The following PCLO variants were observed in gnomAD, a reference collection of about 807,000 sequenced individuals.
The protein encoded by PCLO is protein piccolo.
In PCLO, 82 loss-of-function variants were observed where a neutral mutation model predicts 427.5. That is an observed-to-expected ratio of 0.19 (90% CI 0.16 to 0.23). PCLO has a LOEUF of 0.23. PCLO is among the 10% of genes least tolerant of loss of function. The pLI, the probability that PCLO is intolerant of heterozygous loss-of-function variation, is 1.00. For missense variants in PCLO, 6,239 were observed against 6,115.9 expected (o/e 1.02, Z -0.67); for synonymous variants, 2,357 against 2,155.4 (o/e 1.09, Z -2.59).
At chr7:82,779,807 T>A (rs1790834540) in intron 22 of PCLO, among the ~76,000 whole-genome samples, 1 of 150,372 alleles carries the variant, frequency 6.7e-6, no homozygotes, top group Non-Finnish European at 1.5e-5. Context: ...ATGGCTGTAA[T>A]TTTTATTATT....
rs776939337 is a variant in PCLO, at chr7:82,915,553, G to T, written c.12433C>A (p.Leu4145Ile). ...GTESLDHLAG[L>I]SHYYHADTSY... ...GTATCAGCATGGTAATAATGAGAAA[G>T]ACCAGCAAGGTGATCTAAGCTCTCT... is the stretch of plus-strand genomic sequence containing the variant. The change falls in exon 7 of 25, where the codon CTT becomes ATT. Residue 4145 changes from leucine (L) to isoleucine (I), a missense_variant. By Grantham distance (5) the Leu-to-Ile change is conservative (BLOSUM62 2). Transcript: ENST00000333891. 6.2e-7 allele frequency: 1 copy of T among 1,613,666 alleles called. No individual in the cohort carries two copies. Among genetic ancestry groups the T allele is most frequent in the East Asian group, 2.2e-5 (1 of 44,838 alleles).
chr7:82,993,950 G>A (rs1216230581), intron 3 of PCLO, among the ~76,000 whole-genome samples: 2 of 151,746 alleles, frequency 1.3e-5, no homozygotes, highest in Non-Finnish European at 2.9e-5. Context: ...ACTAGGCCTT[G>A]TCATAATAAG....
intron 3 of PCLO, among the ~76,000 whole-genome samples, chr7:83,034,153 T>C (rs965161129): frequency 1.3e-5 from 2 of 152,134 alleles, no homozygotes; most frequent in Non-Finnish European, 2.9e-5. Flanking sequence ...AGAAAACACA[T>C]AGAAAAATAA....
chr7:83,162,559 G>T lies in PCLO; in HGVS notation c.34C>A (p.Leu12Ile). The change falls in exon 1 of 25, where the codon CTC becomes ATC. Residue 12 changes from leucine to isoleucine, a missense_variant. Transcript: ENST00000333891. ...GNEASLEGEG[L>I]PEGLAAAAAA... ...GCGGCCGCCGCCAGCCCTTCGGGGA[G>T]CCCTTCCCCTTCCAAGCTCGCCTCG... The T allele has an allele frequency of 6.4e-7, 1 of 1,551,138 alleles. No homozygotes were observed.
At chr7:82,770,929 A>G (rs1790633504) in intron 22 of PCLO, among the ~76,000 whole-genome samples, 1 of 151,992 alleles carries the variant, frequency 6.6e-6, no homozygotes, top group African/African-American at 2.4e-5. Flanking sequence ...TTTAAATTTA[A>G]TTCCCAGAAA....
intron 3 of PCLO, among the ~76,000 whole-genome samples, chr7:82,993,629 A>C (rs1217239349): frequency 1.3e-5 from 2 of 152,020 alleles, no homozygotes; most frequent in African/African-American, 4.8e-5. Context: ...TAGTCATCAA[A>C]ATGTGATTGC....
chr7:83,107,701 T>C (rs1790893296), intron 3 of PCLO, among the ~76,000 whole-genome samples: 1 of 37,488 alleles, frequency 2.7e-5, no homozygotes, highest in Admixed American at 2.8e-4. Context: ...AGAGAGAATA[T>C]AAGAAGAGAA....
At chr7:83,085,602 G>T (rs12707545) in intron 3 of PCLO, among the ~76,000 whole-genome samples, 74,267 of 151,888 alleles carry the variant, frequency 0.49, 18,294 homozygotes, top group African/African-American at 0.51. Flanking sequence ...GTGGATGAAA[G>T]ACTTGTTGGA....
At chr7:83,095,133 C>T (rs1463643390) in intron 3 of PCLO, among the ~76,000 whole-genome samples, 3 of 152,076 alleles carry the variant, frequency 2.0e-5, no homozygotes, top group African/African-American at 7.2e-5. Context: ...AAATTCAATT[C>T]TGTAATAGTT....
intron 22 of PCLO, among the ~76,000 whole-genome samples, chr7:82,772,085 T>C (rs1192929221): frequency 1.3e-5 from 2 of 152,166 alleles, no homozygotes; most frequent in Non-Finnish European, 2.9e-5. Flanking sequence ...TTATTTATCT[T>C]TGTCTTTGTA....
Position 82,805,759 on chromosome 7 carries a change from A to G in PCLO, c.14862T>C (p.Ser4954=), listed in dbSNP as rs750074207. The G allele has an allele frequency of 1.2e-6, 2 of 1,611,932 alleles. No homozygotes were observed. Among genetic ancestry groups the G allele is most frequent in the Non-Finnish European group, 1.7e-6 (2 of 1,179,068 alleles). ...STGSSGSSFG[S]GYSVDSEGSS... ...TTCCTTCACTGTCCACGCTATACCCACTGCCAAAGCTGCTGCCCGAGGAGC... is the reference window on the plus strand; with the variant it reads ...TTCCTTCACTGTCCACGCTATACCCGCTGCCAAAGCTGCTGCCCGAGGAGC... Residue 4954 remains serine, a synonymous_variant, in exon 21 of 25, where the codon AGT becomes AGC. Transcript: ENST00000333891.
At chr7:83,100,123 T>TA (rs1790700201) in intron 3 of PCLO, among the ~76,000 whole-genome samples, 2 of 152,126 alleles carry the variant, frequency 1.3e-5, no homozygotes, top group African/African-American at 4.8e-5. Flanking sequence ...GTTGCTCAAT[T>TA]AAAAAATAAT....
intron 7 of PCLO, chr7:82,914,439 A>T (rs575954516): frequency 1.0e-4 from 60 of 590,378 alleles, no homozygotes; most frequent in Non-Finnish European, 1.7e-4. Flanking sequence ...AGCAGACACC[A>T]AACAAATCAA....
At chr7:83,153,111 A>G (rs1792178315) in intron 2 of PCLO, among the ~76,000 whole-genome samples, 2 of 151,688 alleles carry the variant, frequency 1.3e-5, no homozygotes, top group South Asian at 4.1e-4. Context: ...TCCTATAAGG[A>G]GAGTATAATA....
chr7:82,838,742 T>C (rs568986299), intron 14 of PCLO, among the ~76,000 whole-genome samples: 1 of 151,990 alleles, frequency 6.6e-6, no homozygotes, highest in Non-Finnish European at 1.5e-5. Flanking sequence ...TATAAAGTAT[T>C]ATTTGCATTT....
At chr7:83,030,216 A>G (rs987172658) in intron 3 of PCLO, among the ~76,000 whole-genome samples, 7 of 137,934 alleles carry the variant, frequency 5.1e-5, no homozygotes, top group African/African-American at 8.1e-5. Context: ...ATAAAATTTG[A>G]TAAGTCCAAC....
At chr7:83,049,234 T>C (rs1033089382) in intron 3 of PCLO, among the ~76,000 whole-genome samples, 1 of 152,104 alleles carries the variant, frequency 6.6e-6, no homozygotes, top group Non-Finnish European at 1.5e-5. Context: ...AGAGCGGCAA[T>C]ATATGAAAAA....
In PCLO at chr7:82,916,818, G is replaced by A. The variant is rs745969372; in HGVS notation, c.11168C>T (p.Thr3723Ile). Reference sequence around the variant, plus strand: ...CTCCTCAGGAGGTGGATTTGGCAGAGTTCTTTTAACTTTTTTCTGGGCTCC... The same window carrying A: ...CTCCTCAGGAGGTGGATTTGGCAGAATTCTTTTAACTTTTTTCTGGGCTCC... ...SSGAQKKVKR[T>I]LPNPPPEEIS... The change falls in exon 7 of 25, where the codon ACT (threonine) becomes ATT (isoleucine). Residue 3723 changes from threonine to isoleucine, a missense_variant. Physicochemically the swap from Thr to Ile is moderately conservative, Grantham distance 89. Transcript: ENST00000333891. 4 of 1,613,480 alleles carry A rather than the reference G, an allele frequency of 2.5e-6. No homozygotes were observed. Among genetic ancestry groups the A allele is most frequent in the Admixed American group, 3.3e-5 (2 of 59,986 alleles).
chr7:82,995,696 G>A (rs1265543334), intron 3 of PCLO, among the ~76,000 whole-genome samples: 3 of 151,754 alleles, frequency 2.0e-5, no homozygotes, highest in Non-Finnish European at 4.4e-5. Flanking sequence ...CTAATTGTGT[G>A]GTCTTCACTA....
Sources: allele counts gnomAD v4.1 joint callset (sites outside exome capture counted in the v4.1 genomes callset), GRCh38; gene constraint gnomAD v4.1.1; transcripts MANE v1.5; gene names NCBI Gene and HGNC (gene_info 2026-07-23, HGNC 2026-07-21).